The following ZNF362 variants were observed in gnomAD, a reference collection of about 807,000 sequenced individuals.
The protein encoded by ZNF362 is rotund homolog.
Under a neutral mutation model 42.9 loss-of-function variants are expected in ZNF362, and 11 were observed. The observed-to-expected ratio is 0.26, with a 90% CI of 0.16 to 0.42. The LOEUF (loss-of-function observed/expected upper bound fraction) is 0.42. ZNF362 is among the 20% of genes least tolerant of loss of function. The pLI is 1.00. For synonymous variants in ZNF362, 255 were observed against 257.3 expected, an observed-to-expected ratio of 0.99 and a Z score of 0.09; for missense variants, 362 against 576.2, an observed-to-expected ratio of 0.63 and a Z score of 3.81.
chr1:33,243,148 G>GTTATA, the ZNF362 span, among the ~76,000 whole-genome samples: 1 of 151,430 alleles, frequency 6.6e-6, no homozygotes, highest in African/African-American at 2.4e-5. Context: ...GTTATGTTAT[G>GTTATA]TTATGTTATG....
chr1:33,272,949 C>G (rs1645916392), intron 2 of ZNF362, among the ~76,000 whole-genome samples: 1 of 152,264 alleles, frequency 6.6e-6, no homozygotes, highest in African/African-American at 2.4e-5. Flanking sequence ...GTCCCTCTGT[C>G]CTGAACACAC....
chr1:33,259,308 T>C (rs1015932159), intron 1 of ZNF362, among the ~76,000 whole-genome samples: 2 of 152,168 alleles, frequency 1.3e-5, no homozygotes, highest in Non-Finnish European at 2.9e-5. Context: ...CAGCGCTCCA[T>C]GGAGACATGA....
At chr1:33,236,550 A>AAAAAAAAAAAAAAAAATATATATATAT in the ZNF362 span, among the ~76,000 whole-genome samples, 1 of 5,980 alleles carries the variant, frequency 1.7e-4, no homozygotes, top group Non-Finnish European at 3.7e-4. Context: ...AAAAAAAAAA[A>AAAAAAAAAAAAAAAAATATATATATAT]ATATATATAT....
At chr1:33,234,411 C>T in the ZNF362 span, among the ~76,000 whole-genome samples, 1 of 152,176 alleles carries the variant, frequency 6.6e-6, no homozygotes. Flanking sequence ...AGGGCTACAT[C>T]AGAAGAACAA....
At chr1:33,287,891 A>G (rs1490915461) in intron 6 of ZNF362, among the ~76,000 whole-genome samples, 2 of 152,224 alleles carry the variant, frequency 1.3e-5, no homozygotes, top group Admixed American at 6.5e-5. Flanking sequence ...CAGAGGGGGA[A>G]TCCTCTCAAG....
At chr1:33,194,294 G>T in the ZNF362 span, among the ~76,000 whole-genome samples, 2 of 152,100 alleles carry the variant, frequency 1.3e-5, no homozygotes, top group Non-Finnish European at 2.9e-5. Flanking sequence ...CCAGCAATTT[G>T]GGAGGCTGAG....
the ZNF362 span, among the ~76,000 whole-genome samples, chr1:33,189,647 ATATATATATATATATATATATATATG>A: frequency 0.013 from 214 of 16,556 alleles, 30 homozygotes; most frequent in Middle Eastern, 0.043. Flanking sequence ...ATATATATAT[ATATATATATATATATATATATATATG>A]TATATATATA....
chr1:33,263,451 C>T (rs1263503819), intron 1 of ZNF362, among the ~76,000 whole-genome samples: 6 of 151,294 alleles, frequency 4.0e-5, no homozygotes, highest in Non-Finnish European at 8.8e-5. Context: ...CGCTCTATCA[C>T]CCAGGCTGGA....
chr1:33,181,033 C>A, the ZNF362 span: 2 of 1,543,628 alleles, frequency 1.3e-6, no homozygotes, highest in East Asian at 2.5e-5. The surrounding 1 kb of genome is among the most constrained non-coding windows in gnomAD (Gnocchi z 6.5). Flanking sequence ...ACCTGCAGCT[C>A]GTCGAAGGCG....
At chr1:33,186,660 G>A in the ZNF362 span, among the ~76,000 whole-genome samples, 1 of 145,656 alleles carries the variant, frequency 6.9e-6, no homozygotes, top group Non-Finnish European at 1.5e-5. Flanking sequence ...ACAAAAATTA[G>A]CTGGGCGTGG....
At chr1:33,149,238 C>T in the ZNF362 span, among the ~76,000 whole-genome samples, 1 of 152,326 alleles carries the variant, frequency 6.6e-6, no homozygotes, top group African/African-American at 2.4e-5. Context: ...CTGCAACCTC[C>T]ACCTCCCAGG....
At chr1:33,145,670 G>A in the ZNF362 span, 1 of 315,290 alleles carries the variant, frequency 3.2e-6, no homozygotes, top group Non-Finnish European at 6.3e-6. Context: ...AGAAAGAAAA[G>A]TCAAGGCCGG....
the ZNF362 span, among the ~76,000 whole-genome samples, chr1:33,219,341 C>G: frequency 6.6e-6 from 1 of 152,220 alleles, no homozygotes. Flanking sequence ...AACCTCTGCC[C>G]GCCATTCATT....
chr1:33,299,175 A>C lies in ZNF362; in HGVS notation c.*129A>C. The stretch of plus-strand genomic sequence containing the variant: ...CTCACGACCTTCCCAATCTTCCAGA[A>C]AGCTTGGTCCGCAGAAGCCCTGCCT... On this transcript the variant is annotated 3_prime_UTR_variant, in exon 9 of 9. Transcript: ENST00000539719. 1.4e-6 allele frequency: 1 copy of C among 719,240 alleles called. No individual in the cohort carries two copies. The highest frequency in any genetic ancestry group is 2.3e-6 in the Non-Finnish European group (1 of 428,688). The allele number at this position is 719,240 out of a possible 1,614,324, so 44.6% of individuals were successfully genotyped here.
the ZNF362 span, among the ~76,000 whole-genome samples, chr1:33,167,423 G>A: frequency 6.6e-6 from 1 of 152,274 alleles, no homozygotes; most frequent in Non-Finnish European, 1.5e-5. The surrounding 1 kb of genome is among the most constrained non-coding windows in gnomAD (Gnocchi z 4.2). Context: ...GTGCTCCCTA[G>A]CACAGGGTCC....
the ZNF362 span, among the ~76,000 whole-genome samples, chr1:33,235,846 C>T: frequency 2.6e-3 from 390 of 152,328 alleles, 3 homozygotes; most frequent in Non-Finnish European, 1.3e-3. Context: ...TTTGGTCAAG[C>T]AGCGGACCTT....
At chr1:33,136,113 C>CCCTTCCTTCCTTCCTTCCTTCCTT in the ZNF362 span, among the ~76,000 whole-genome samples, 11 of 103,512 alleles carry the variant, frequency 1.1e-4, no homozygotes, top group Admixed American at 2.9e-4. Context: ...CAGGGGCCAG[C>CCCTTCCTTCCTTCCTTCCTTCCTT]CCTTCCTTCC....
At chr1:33,168,598 C>T in the ZNF362 span, among the ~76,000 whole-genome samples, 1 of 152,188 alleles carries the variant, frequency 6.6e-6, no homozygotes, top group African/African-American at 2.4e-5. Flanking sequence ...AGAAACGCAC[C>T]CCATCTGACT....
chr1:33,228,420 T>C, the ZNF362 span, among the ~76,000 whole-genome samples: 1 of 152,128 alleles, frequency 6.6e-6, no homozygotes, highest in East Asian at 1.9e-4. Flanking sequence ...TTCCAGTCCA[T>C]CCACTTGTCT....
Sources: allele counts gnomAD v4.1 joint callset (sites outside exome capture counted in the v4.1 genomes callset), GRCh38; gene constraint gnomAD v4.1.1; non-coding constraint Gnocchi (gnomAD v3.1); transcripts MANE v1.5; gene names NCBI Gene and HGNC (gene_info 2026-07-23, HGNC 2026-07-21).